The following SLC12A8 variants were observed in gnomAD, a reference collection of about 807,000 sequenced individuals.
The protein encoded by SLC12A8 is cation-chloride cotransporter 9.
Under a neutral mutation model 75.6 loss-of-function variants are expected in SLC12A8, and 69 were observed. The ratio of observed to expected loss-of-function variants is 0.91; its 90% confidence interval spans 0.75 to 1.11. The LOEUF is 1.11. Ranked by LOEUF, SLC12A8 falls within the 50% of genes most tolerant of loss-of-function variation. SLC12A8 has a pLI of 0.00. For synonymous variants in SLC12A8, 365 were observed against 372.8 expected, an observed-to-expected ratio of 0.98 and a Z score of 0.24; for missense variants, 877 against 896.7, an observed-to-expected ratio of 0.98 and a Z score of 0.28.
Position 125,091,431 on chromosome 3 carries a change from C to T in SLC12A8, c.1921+8G>A. The T allele has an allele frequency of 6.2e-7, 1 of 1,602,584 alleles. No homozygotes were observed. The highest frequency in any genetic ancestry group is 8.6e-7 in the Non-Finnish European group (1 of 1,169,550). ...GGGAACCAGTGGCAAAATGGCTCTG[C>T]TGCTTACCAAGGTGAAGCCCTGGAC... On this transcript the variant is annotated splice_region_variant and intron_variant, in intron 12 of 13. Transcript: ENST00000469902.
At chr3:125,100,999 G>A (rs1345361513) in intron 10 of SLC12A8, among the ~76,000 whole-genome samples, 2 of 112,380 alleles carry the variant, frequency 1.8e-5, no homozygotes, top group Non-Finnish European at 3.3e-5. Flanking sequence ...CGGCCTGGGC[G>A]ACAGAGCGAG....
At chr3:125,128,459 C>G in intron 6 of SLC12A8, among the ~76,000 whole-genome samples, 1 of 145,212 alleles carries the variant, frequency 6.9e-6, no homozygotes, top group African/African-American at 2.6e-5. Flanking sequence ...GGATTACAGG[C>G]GTGAGCCACC....
chr3:125,120,963 G>A, intron 6 of SLC12A8: 1 of 669,302 alleles, frequency 1.5e-6, no homozygotes, highest in Non-Finnish European at 2.7e-6. Flanking sequence ...AAAGCAACCA[G>A]GGGGGAGGAA....
At chr3:125,102,982 T>C (rs961728956) in intron 10 of SLC12A8, among the ~76,000 whole-genome samples, 1 of 152,062 alleles carries the variant, frequency 6.6e-6, no homozygotes, top group South Asian at 2.1e-4. Flanking sequence ...TATAGGGGGC[T>C]GTGGGAGGTC....
At chr3:125,162,156 A>G (rs1247355943) in intron 5 of SLC12A8, among the ~76,000 whole-genome samples, 1 of 152,260 alleles carries the variant, frequency 6.6e-6, no homozygotes, top group African/African-American at 2.4e-5. Flanking sequence ...CTAAGGGGCT[A>G]GGGTTCTCCA....
chr3:125,175,213 G>A (rs79021934), intron 5 of SLC12A8, among the ~76,000 whole-genome samples: 19,517 of 152,154 alleles, frequency 0.13, 1,511 homozygotes, highest in Middle Eastern at 0.27. Flanking sequence ...AAAGATAGTT[G>A]CTATTATGCA....
intron 13 of SLC12A8, 128 bp from the exon 14 acceptor site, chr3:125,084,180 C>A: frequency 1.3e-6 from 1 of 744,438 alleles, no homozygotes; most frequent in Non-Finnish European, 2.2e-6. Context: ...AAACATAATT[C>A]TTGAAAGGTA....
chr3:125,211,159 C>T lies in SLC12A8; in HGVS notation c.51+140G>A. 3 of 739,464 alleles carry T rather than the reference C, an allele frequency of 4.1e-6. No homozygotes were observed. In the Admixed American group the frequency reaches 5.6e-5, roughly 14 times the overall value. The allele number at this position is 739,464 out of a possible 1,614,324, so 45.8% of individuals were successfully genotyped here. ...TAATATTTTGGCTATAATATTTTCT[C>T]ATTGAACTGGATGACCAAAATAGAC... On this transcript the variant is annotated intron_variant, in intron 2 of 13. Transcript: ENST00000469902.
chr3:125,120,762 C>G, intron 6 of SLC12A8, 76 bp from the exon 7 acceptor site: 1 of 1,081,310 alleles, frequency 9.2e-7, no homozygotes, highest in Non-Finnish European at 1.4e-6. Flanking sequence ...GCCCCTTCCT[C>G]TCCTGCGGGA....
At chr3:125,106,565 G>A (rs1293738212) in intron 10 of SLC12A8, among the ~76,000 whole-genome samples, 2 of 152,132 alleles carry the variant, frequency 1.3e-5, no homozygotes, top group Admixed American at 6.5e-5. Flanking sequence ...CACCATGCCT[G>A]GCTAATTATT....
intron 5 of SLC12A8, among the ~76,000 whole-genome samples, chr3:125,143,640 G>A (rs765446183): frequency 6.6e-6 from 1 of 152,240 alleles, no homozygotes; most frequent in Non-Finnish European, 1.5e-5. Context: ...AGGGCCAGGG[G>A]AGTCCCGCCC....
At chr3:125,098,554 C>CCACACG (rs1553785658) in intron 10 of SLC12A8, among the ~76,000 whole-genome samples, 1 of 143,920 alleles carries the variant, frequency 6.9e-6, no homozygotes, top group East Asian at 2.0e-4. Flanking sequence ...TGAATCTTCT[C>CCACACG]CACACACACA....
Position 125,187,407 on chromosome 3 carries a change from C to T in SLC12A8, c.220G>A (p.Gly74Ser). 1 of 1,614,126 alleles carries T rather than the reference C, an allele frequency of 6.2e-7. No individual in the cohort carries two copies. The highest frequency in any genetic ancestry group is 8.5e-7 in the Non-Finnish European group (1 of 1,180,018). Residue 74 changes from glycine to serine, a missense_variant, in exon 4 of 14, where the codon GGC (glycine) becomes AGC (serine). Physicochemically the swap from Gly to Ser is moderately conservative, Grantham distance 56. Transcript: ENST00000469902. ...ATGACGAAGGACACCAGGAACATGC[C>T]CAGGAGCACTCCTGTGTTTCCCTGC... ...WLVGNTGVLL[G>S]MFLVSFVILV...
In SLC12A8 at chr3:125,187,419, C is replaced by T. The variant is rs1934816096; in HGVS notation, c.208G>A (p.Gly70Arg). ...ACCAGGAACATGCCCAGGAGCACTC[C>T]TGTGTTTCCCTGCAGCAGAATAGCA... ...LRTGWLVGNT[G>R]VLLGMFLVSF... is the part of the protein sequence containing the mutation. Residue 70 changes from glycine to arginine, a missense_variant, in exon 4 of 14, where the codon GGA becomes AGA. By Grantham distance (125) the Gly-to-Arg change is moderately radical. Coordinates refer to ENST00000469902, the MANE Select transcript of SLC12A8 (RefSeq NM_024628.6). The T allele has an allele frequency of 1.2e-6, 2 of 1,613,994 alleles. No homozygotes were observed. Among genetic ancestry groups the T allele is most frequent in the Non-Finnish European group, 1.7e-6 (2 of 1,179,958 alleles).
chr3:125,205,276 CA>C (rs1935204780), intron 2 of SLC12A8, among the ~76,000 whole-genome samples: 1 of 152,208 alleles, frequency 6.6e-6, no homozygotes, highest in African/African-American at 2.4e-5. Context: ...TCTCTCTTCT[CA>C]AGCAAGGTAA....
chr3:125,122,355 T>G (rs557337324), intron 6 of SLC12A8, among the ~76,000 whole-genome samples: 30 of 152,296 alleles, frequency 2.0e-4, no homozygotes, highest in South Asian at 1.2e-3. Context: ...TGTTGTTGTT[T>G]TTGTTTTTGT....
chr3:125,202,725 A>G (rs530963726), intron 2 of SLC12A8, among the ~76,000 whole-genome samples: 8 of 152,206 alleles, frequency 5.3e-5, no homozygotes, highest in African/African-American at 1.7e-4. Flanking sequence ...CTACAATGAG[A>G]ACTACGAAAC....
chr3:125,207,878 T>C (rs767370762), intron 2 of SLC12A8, among the ~76,000 whole-genome samples: 1 of 152,202 alleles, frequency 6.6e-6, no homozygotes, highest in African/African-American at 2.4e-5. Flanking sequence ...CATCCAATCA[T>C]CAAATGAGCA....
chr3:125,090,361 G>A (rs2107731411), intron 12 of SLC12A8, among the ~76,000 whole-genome samples: 1 of 152,290 alleles, frequency 6.6e-6, no homozygotes. Flanking sequence ...CCTGGTAAAT[G>A]TTTCATGTAT....
Sources: gnomAD v4.1 joint callset for allele counts (sites outside exome capture counted in the v4.1 genomes callset) on GRCh38, gnomAD v4.1.1 for gene constraint, MANE v1.5 for transcripts, NCBI Gene and HGNC (gene_info 2026-07-23, HGNC 2026-07-21) for gene names.